Variants in PDIA6 observed in about 807,000 individuals in gnomAD.
The protein encoded by PDIA6 is protein disulfide-isomerase A6.
Under a neutral mutation model 58.4 loss-of-function variants are expected in PDIA6, and 29 were observed. That is an observed-to-expected ratio of 0.50 (90% CI 0.37 to 0.68). PDIA6 has a LOEUF of 0.68. Ranked by LOEUF, PDIA6 falls within the 30% of genes least tolerant of loss-of-function variation. PDIA6 has a pLI of 0.00. For missense variants in PDIA6, 480 were observed against 551.0 expected (o/e 0.87, Z 1.29); for synonymous variants, 192 against 202.6 (o/e 0.95, Z 0.44).
At chr2:10,813,034 C>T (rs978308838), upstream of PDIA6, among the ~76,000 whole-genome samples, 1 of 152,130 alleles carries the variant, frequency 6.6e-6, no homozygotes, top group African/African-American at 2.4e-5. Flanking sequence ...CCTCCGGGCC[C>T]TCTCGGGGTG....
chr2:10,813,706 G>A (rs1667104883), upstream of PDIA6, among the ~76,000 whole-genome samples: 1 of 152,014 alleles, frequency 6.6e-6, no homozygotes, highest in Non-Finnish European at 1.5e-5. Context: ...CGGGGTCTTG[G>A]CTCACTGCAA....
In PDIA6 at chr2:10,785,054, C is replaced by T. The variant is rs371184708; in HGVS notation, c.1158-24G>A. The T allele has an allele frequency of 5.8e-4, 843 of 1,443,378 alleles. 7 individuals carry two copies. Among genetic ancestry groups the T allele is most frequent in the South Asian group, 4.7e-3 (386 of 82,352 alleles). 89.4% of individuals were successfully genotyped at this position (1,443,378 alleles called of 1,614,324 possible). A position where few individuals can be genotyped will look rare whatever the true frequency, so the allele number is the denominator to read the frequency against. ...CCCTTAGGGAAAAATGACCAAAACA[C>T]ACACACACATTTACAATGGACTGCT... On this transcript the variant is annotated intron_variant, in intron 11 of 12. Transcript: ENST00000272227.
At chr2:10,795,488 CAGACGA>C (rs56308941) in intron 4 of PDIA6, among the ~76,000 whole-genome samples, 73,984 of 151,490 alleles carry the variant, frequency 0.49, 19,631 homozygotes, top group Non-Finnish European at 0.58. Context: ...TCTTCATCTT[CAGACGA>C]AGACGAAGAC....
chr2:10,786,475 G>A (rs986564764), intron 11 of PDIA6, among the ~76,000 whole-genome samples: 6 of 152,040 alleles, frequency 3.9e-5, no homozygotes, highest in African/African-American at 1.2e-4. Context: ...TCAAGGCAGA[G>A]CTGTGACTGA....
At chr2:10,815,311 G>A (rs1222518064), upstream of PDIA6, among the ~76,000 whole-genome samples, 1 of 152,136 alleles carries the variant, frequency 6.6e-6, no homozygotes, top group African/African-American at 2.4e-5. Context: ...CACAGTCACT[G>A]GCCCCAGGGA....
In PDIA6 at chr2:10,832,394, A is replaced by T. The variant is rs555471404; in HGVS notation, c.-240T>A. 12 of 984,718 alleles carry T rather than the reference A, an allele frequency of 1.2e-5. No homozygotes were observed. The African/African-American group carries it at 1.9e-4, about 16-fold the overall frequency. The allele number at this position is 984,718 out of a possible 1,614,324, so 61.0% of individuals were successfully genotyped here. On this transcript the variant is annotated 5_prime_UTR_variant, in exon 1 of 14. Transcript: ENST00000381611. ...GCAGCTGCAGATATCCTCGCCATCT[A>T]CGCCTCACAAACACCACCTGGTGGG...
At chr2:10,785,989 C>T (rs1337368705) in intron 11 of PDIA6, among the ~76,000 whole-genome samples, 2 of 149,298 alleles carry the variant, frequency 1.3e-5, no homozygotes, top group East Asian at 2.1e-4. Context: ...GTTGGAATTA[C>T]AGGCGTGAGC....
chr2:10,796,085 G>A (rs1467303184), intron 4 of PDIA6, among the ~76,000 whole-genome samples: 2 of 142,482 alleles, frequency 1.4e-5, no homozygotes, highest in African/African-American at 2.9e-5. Context: ...TTTTTGAGAC[G>A]GAGTCTCGCT....
chr2:10,801,097 G>A (rs1666492530), intron 2 of PDIA6, among the ~76,000 whole-genome samples: 1 of 152,200 alleles, frequency 6.6e-6, no homozygotes, highest in Admixed American at 6.5e-5. Flanking sequence ...TGGACAACAT[G>A]GTGAAATTCC....
intron 2 of PDIA6, among the ~76,000 whole-genome samples, chr2:10,818,593 C>G (rs1367069856): frequency 8.6e-6 from 1 of 116,578 alleles, no homozygotes; most frequent in East Asian, 2.9e-4. Context: ...ACTATCTCGA[C>G]TCACTACAAC....
At position 10,812,724 on chromosome 2, in the gene PDIA6, C is replaced by T; in HGVS notation, c.-28G>A. ...CGAGCGCCGGGCTACGTGCAGTCCC[C>T]ACCGCCGCCGCCGCTTCAGCCCTGC... On this transcript the variant is annotated 5_prime_UTR_variant, in exon 1 of 13. Coordinates refer to ENST00000272227, the MANE Select transcript of PDIA6 (RefSeq NM_005742.4). 3 of 1,500,996 alleles carry T rather than the reference C, an allele frequency of 2.0e-6. No homozygotes were observed. The highest frequency in any genetic ancestry group is 1.8e-4 in the Middle Eastern group (1 of 5,538). The allele number at this position is 1,500,996 out of a possible 1,614,324, so 93.0% of individuals were successfully genotyped here.
intron 1 of PDIA6, among the ~76,000 whole-genome samples, chr2:10,804,066 G>A (rs1444395357): frequency 3.3e-5 from 5 of 151,626 alleles, no homozygotes; most frequent in East Asian, 1.9e-4. Context: ...CTGCCACCAC[G>A]CCTGGCTAAT....
intron 1 of PDIA6, among the ~76,000 whole-genome samples, chr2:10,811,830 C>G (rs898864368): frequency 8.5e-5 from 13 of 152,242 alleles, no homozygotes; most frequent in Non-Finnish European, 1.3e-4. Context: ...CGAAGCGCCC[C>G]TGCGTCTTAA....
intron 1 of PDIA6, among the ~76,000 whole-genome samples, chr2:10,826,037 T>G (rs1667547153): frequency 6.6e-6 from 1 of 152,212 alleles, no homozygotes; most frequent in African/African-American, 2.4e-5. Context: ...TTAGCAACAT[T>G]ATTCATCATA....
At chr2:10,820,662 G>A (rs1667356395) in intron 1 of PDIA6, 2 of 610,266 alleles carry the variant, frequency 3.3e-6, no homozygotes, top group East Asian at 2.8e-5. Context: ...AAGTTCTGTC[G>A]AGGACTCTTT....
chr2:10,809,105 G>A lies in PDIA6; in HGVS notation c.19+3573C>T, dbSNP rs537345576. Among the ~76,000 whole-genome samples the A allele has an allele frequency of 7.8e-4, 118 of 152,190 alleles. 1 individual carries two copies. In the Middle Eastern group the frequency reaches 0.02, roughly 26 times the overall value. On this transcript the variant is annotated intron_variant, in intron 1 of 12. Coordinates refer to ENST00000272227, the MANE Select transcript of PDIA6 (RefSeq NM_005742.4). Reference sequence around the variant, plus strand: ...ATTACAGGCGTGAGCCACCGTGCCCGGCCTCAATATTATTTTTCATTTTGA... The same window carrying A: ...ATTACAGGCGTGAGCCACCGTGCCCAGCCTCAATATTATTTTTCATTTTGA...
intron 1 of PDIA6, among the ~76,000 whole-genome samples, chr2:10,803,672 C>T (rs939130076): frequency 1.9e-5 from 2 of 108,078 alleles, no homozygotes; most frequent in African/African-American, 5.4e-5. Context: ...AAAACAAATT[C>T]TGAACTTACT....
At chr2:10,786,370 G>C (rs374155948) in intron 11 of PDIA6, among the ~76,000 whole-genome samples, 5 of 152,048 alleles carry the variant, frequency 3.3e-5, no homozygotes, top group African/African-American at 9.7e-5. Flanking sequence ...CAATGAGAGA[G>C]AGCTGGGAGG....
intron 2 of PDIA6, among the ~76,000 whole-genome samples, chr2:10,800,916 A>C (rs1180674393): frequency 1.3e-5 from 2 of 152,110 alleles, no homozygotes; most frequent in African/African-American, 4.8e-5. Flanking sequence ...TGACCGTAAA[A>C]GTTTTATTAT....
Sources: gnomAD v4.1 joint callset for allele counts (sites outside exome capture counted in the v4.1 genomes callset) on GRCh38, gnomAD v4.1.1 for gene constraint, MANE v1.5 for transcripts, NCBI Gene and HGNC (gene_info 2026-07-23, HGNC 2026-07-21) for gene names.